The following TAOK3 variants were observed in gnomAD, a reference collection of about 807,000 sequenced individuals.
TAOK3 encodes the protein TAO kinase 3, also known as serine/threonine-protein kinase TAO3.
In TAOK3, 40 loss-of-function variants were observed where a neutral mutation model predicts 120.4. The observed-to-expected ratio is 0.33, with a 90% CI of 0.26 to 0.43. The LOEUF (loss-of-function observed/expected upper bound fraction) is 0.43, where lower values mean the gene tolerates loss of function less well. Ranked by LOEUF, TAOK3 falls within the 20% of genes least tolerant of loss-of-function variation. The pLI is 1.00. For synonymous variants in TAOK3, 355 were observed against 387.5 expected, an observed-to-expected ratio of 0.92 and a Z score of 0.99; for missense variants, 821 against 1,112.1, an observed-to-expected ratio of 0.74 and a Z score of 3.72.
chr12:118,360,863 T>G (rs904206229), intron 1 of TAOK3, among the ~76,000 whole-genome samples: 3 of 152,148 alleles, frequency 2.0e-5, no homozygotes, highest in African/African-American at 7.2e-5. Context: ...AAACAGAACT[T>G]TTCCAGAAAC....
intron 2 of TAOK3, among the ~76,000 whole-genome samples, chr12:118,262,388 C>A (rs2041267970): frequency 6.6e-6 from 1 of 151,900 alleles, no homozygotes; most frequent in Non-Finnish European, 1.5e-5. Flanking sequence ...GAGGCTGAGG[C>A]AGAGAACTGC....
At chr12:118,206,584 C>T (rs1048779791) in intron 11 of TAOK3, among the ~76,000 whole-genome samples, 2 of 151,976 alleles carry the variant, frequency 1.3e-5, no homozygotes, top group African/African-American at 4.8e-5. Flanking sequence ...GCAATCCCAT[C>T]TCCTCATTGT....
chr12:118,231,527 G>C (rs1169500408), intron 9 of TAOK3, among the ~76,000 whole-genome samples: 1 of 152,084 alleles, frequency 6.6e-6, no homozygotes, highest in Non-Finnish European at 1.5e-5. Flanking sequence ...GAAAAGAGAA[G>C]ACCATAGTCT....
intron 19 of TAOK3, among the ~76,000 whole-genome samples, chr12:118,153,248 G>T (rs1337412453): frequency 6.6e-6 from 1 of 152,064 alleles, no homozygotes; most frequent in Non-Finnish European, 1.5e-5. Flanking sequence ...TCTATACAAA[G>T]ATTTTTTAAA....
intron 16 of TAOK3, among the ~76,000 whole-genome samples, chr12:118,175,956 G>C (rs570455637): frequency 6.6e-6 from 1 of 152,200 alleles, no homozygotes; most frequent in South Asian, 2.1e-4. Context: ...CAGGGATACA[G>C]TTGTGAGCAA....
In TAOK3 at chr12:118,151,122, T is replaced by C. The variant is rs1218302108; in HGVS notation, c.2572A>G (p.Ser858Gly). ...EELAALQKER[S>G]ERIKNLLERQ... Reference sequence around the variant, plus strand: ...TCCAATAGGTTCTTTATTCTCTCGCTGCGTTCCTTCTGAAGGGCAGCCAGC... The same window carrying C: ...TCCAATAGGTTCTTTATTCTCTCGCCGCGTTCCTTCTGAAGGGCAGCCAGC... The change falls in exon 21 of 21, where the codon AGC (serine) becomes GGC (glycine). Residue 858 changes from serine (S) to glycine (G), a missense_variant. Physicochemically the swap from Ser to Gly is moderately conservative, Grantham distance 56. Transcript: ENST00000392533. 6.2e-7 allele frequency: 1 copy of C among 1,613,940 alleles called. No homozygotes were observed. Among genetic ancestry groups the C allele is most frequent in the Non-Finnish European group, 8.5e-7 (1 of 1,180,042 alleles).
intron 1 of TAOK3, among the ~76,000 whole-genome samples, chr12:118,293,623 GA>G (rs1415734648): frequency 6.7e-6 from 1 of 149,734 alleles, no homozygotes; most frequent in African/African-American, 2.5e-5. Context: ...GCAGTGAGCC[GA>G]GATCACACCA....
intron 1 of TAOK3, among the ~76,000 whole-genome samples, chr12:118,321,422 G>A (rs1223227207): frequency 6.6e-6 from 1 of 152,020 alleles, no homozygotes; most frequent in Non-Finnish European, 1.5e-5. Flanking sequence ...CACCACATCT[G>A]GCTAGTTTTC....
At chr12:118,321,202 G>A (rs1397813433) in intron 1 of TAOK3, among the ~76,000 whole-genome samples, 1 of 151,886 alleles carries the variant, frequency 6.6e-6, no homozygotes, top group Non-Finnish European at 1.5e-5. Context: ...TTACTATATT[G>A]TTTAACACTG....
At chr12:118,241,821 A>G (rs940547489) in intron 5 of TAOK3, among the ~76,000 whole-genome samples, 3 of 152,204 alleles carry the variant, frequency 2.0e-5, no homozygotes, top group African/African-American at 7.2e-5. Flanking sequence ...ATCTAAGAAT[A>G]AACAGGTGGC....
intron 3 of TAOK3, among the ~76,000 whole-genome samples, chr12:118,245,451 C>T (rs2040450111): frequency 6.6e-6 from 1 of 151,612 alleles, no homozygotes. Context: ...CAAGTAACTG[C>T]GGATTATAGG....
At chr12:118,329,103 G>C (rs999832181) in intron 1 of TAOK3, among the ~76,000 whole-genome samples, 3 of 152,136 alleles carry the variant, frequency 2.0e-5, no homozygotes, top group African/African-American at 7.2e-5. Flanking sequence ...AGAAGTACTA[G>C]AGAAGCCAAA....
chr12:118,169,306 GCCCACC>G (rs1187560346), intron 17 of TAOK3, among the ~76,000 whole-genome samples: 37 of 91,732 alleles, frequency 4.0e-4, no homozygotes, highest in African/African-American at 1.7e-3. Context: ...GAGCCACCAC[GCCCACC>G]CCCACCCCCC....
At chr12:118,368,595 CA>C (rs1375727487) in intron 1 of TAOK3, among the ~76,000 whole-genome samples, 1 of 149,318 alleles carries the variant, frequency 6.7e-6, no homozygotes, top group Non-Finnish European at 1.5e-5. Flanking sequence ...CATTTGAGGT[CA>C]GGAGTTCTAG....
At position 118,194,906 on chromosome 12, in the gene TAOK3, G is replaced by A. The variant is rs562679064; in HGVS notation, c.1194+4145C>T. On this transcript the variant is annotated intron_variant, in intron 13 of 20. Coordinates refer to ENST00000392533, the MANE Select transcript of TAOK3 (RefSeq NM_016281.4). ...TGAGATTACAGGCGCGTGCCACCACGCCCAGCTAATTTTTGTATTTTTAGT... is the reference window on the plus strand; with the variant it reads ...TGAGATTACAGGCGCGTGCCACCACACCCAGCTAATTTTTGTATTTTTAGT... 5.3e-5 allele frequency among the ~76,000 whole-genome samples: 8 copies of A among 151,974 alleles called. No homozygotes were observed. The South Asian group carries it at 1.0e-3, about 20-fold the overall frequency.
At chr12:118,237,974 C>T (rs1248252224) in intron 7 of TAOK3, 99 bp downstream of exon 7, 2 of 751,780 alleles carry the variant, frequency 2.7e-6, no homozygotes, top group African/African-American at 3.5e-5. Context: ...CCCATGAATG[C>T]TTAGGCAACC....
intron 13 of TAOK3, among the ~76,000 whole-genome samples, chr12:118,197,151 T>C (rs144150679): frequency 5.9e-5 from 9 of 152,340 alleles, no homozygotes; most frequent in African/African-American, 2.2e-4. Flanking sequence ...AGTTTTCATA[T>C]ATATTCTATT....
Position 118,372,075 on chromosome 12 carries a change from T to C in TAOK3, c.-194+573A>G, listed in dbSNP as rs2045914196. 6.6e-6 allele frequency among the ~76,000 whole-genome samples: 1 copy of C among 151,938 alleles called. No homozygotes were observed. The highest frequency in any genetic ancestry group is 2.1e-4 in the South Asian group (1 of 4,826). ...TTCTCACACTCTGTTCTAAGCCCTC[T>C]GGGGATCCCCTGTCTTCACATCCCC... On this transcript the variant is annotated intron_variant, in intron 1 of 20. Transcript: ENST00000392533. This position sits in a 1 kb window ranked among gnomAD's most constrained non-coding sequence, Gnocchi z 4.6.
intron 15 of TAOK3, among the ~76,000 whole-genome samples, chr12:118,178,967 CT>C (rs2036522396): frequency 6.6e-6 from 1 of 152,150 alleles, no homozygotes; most frequent in Non-Finnish European, 1.5e-5. Context: ...GCTCATGGCT[CT>C]TTTTACGTAT....
Sources: allele counts gnomAD v4.1 joint callset (sites outside exome capture counted in the v4.1 genomes callset), GRCh38; gene constraint gnomAD v4.1.1; non-coding constraint Gnocchi (gnomAD v3.1); transcripts MANE v1.5; gene names NCBI Gene and HGNC (gene_info 2026-07-23, HGNC 2026-07-21).